Variants in ERC1 observed in about 807,000 individuals in gnomAD.
ERC1 encodes the protein ELKS/RAB6-interacting/CAST family member 1.
Under a neutral mutation model 132.0 loss-of-function variants are expected in ERC1, and 56 were observed. That is an observed-to-expected ratio of 0.42 (90% confidence interval 0.34 to 0.53). The LOEUF (loss-of-function observed/expected upper bound fraction) is 0.53. Among genes scored for constraint, ERC1 ranks in the 20% least tolerant of loss-of-function variants. The pLI is 0.03. For missense variants in ERC1, 1,202 were observed against 1,349.9 expected (o/e 0.89, Z 1.72); for synonymous variants, 478 against 476.1 (o/e 1.00, Z -0.05).
At chr12:1,389,052 C>T (rs577452458) in intron 16 of ERC1, among the ~76,000 whole-genome samples, 15 of 152,286 alleles carry the variant, frequency 9.8e-5, no homozygotes, top group African/African-American at 2.9e-4. Flanking sequence ...TGGTGGTTCC[C>T]GTGCTGTTTC....
chr12:1,131,238 G>A (rs573061018), intron 7 of ERC1, among the ~76,000 whole-genome samples: 1 of 152,224 alleles, frequency 6.6e-6, no homozygotes, highest in East Asian at 1.9e-4. Context: ...TCCAGAGGAG[G>A]TTCCATGCAG....
Position 1,189,878 on chromosome 12 carries a change from A to C in ERC1, c.2177A>C (p.Glu726Ala), listed in dbSNP as rs753542946. Residue 726 changes from glutamate to alanine, a missense_variant, in exon 12 of 19, where the codon GAA (glutamate) becomes GCA (alanine). By Grantham distance (107) the Glu-to-Ala change is moderately radical (BLOSUM62 -1). Transcript: ENST00000360905. ...QLKKAHEAAL[E>A]ARASPEMSDR... ...TTGTAGGCACATGAGGCAGCATTGG[A>C]AGCCAGAGCCAGTCCAGAGATGAGT... is the stretch of plus-strand genomic sequence containing the variant. 3.7e-6 allele frequency: 6 copies of C among 1,607,634 alleles called. No individual in the cohort carries two copies. The African/African-American group carries it at 8.0e-5, about 22-fold the overall frequency.
intron 1 of ERC1, among the ~76,000 whole-genome samples, chr12:1,024,503 G>A (rs924454837): frequency 5.9e-5 from 9 of 152,096 alleles, no homozygotes; most frequent in Non-Finnish European, 1.5e-5. Flanking sequence ...TAACCTGTTT[G>A]ACCAGAATAG....
intron 2 of ERC1, among the ~76,000 whole-genome samples, chr12:1,077,142 ACT>A (rs1362592523): frequency 6.6e-6 from 1 of 151,896 alleles, no homozygotes; most frequent in African/African-American, 2.4e-5. Flanking sequence ...GTTTTCTCTG[ACT>A]CTGATCTTCT....
intron 12 of ERC1, among the ~76,000 whole-genome samples, chr12:1,208,347 C>CT (rs1442017842): frequency 8.3e-6 from 1 of 120,540 alleles, no homozygotes; most frequent in Non-Finnish European, 1.7e-5. Context: ...ACATTATCAG[C>CT]TTTTTTTCAT....
At chr12:1,377,866 G>T (rs965065059) in intron 16 of ERC1, among the ~76,000 whole-genome samples, 1 of 152,166 alleles carries the variant, frequency 6.6e-6, no homozygotes, top group Admixed American at 6.5e-5. Context: ...GTACAAAGGT[G>T]AATACCTTTT....
intron 15 of ERC1, among the ~76,000 whole-genome samples, chr12:1,329,856 G>C (rs2082736271): frequency 6.6e-6 from 1 of 152,180 alleles, no homozygotes; most frequent in South Asian, 2.1e-4. Context: ...AAAGGGAGGA[G>C]TTAAAGATGA....
At position 1,359,298 on chromosome 12, in the gene ERC1, A is replaced by G. The variant is rs1395345217; in HGVS notation, c.2781-12535A>G. On this transcript the variant is annotated intron_variant, in intron 15 of 18. Coordinates refer to ENST00000360905, the MANE Select transcript of ERC1 (RefSeq NM_178040.4). Reference sequence around the variant, plus strand: ...AGACATGAGGTAGAATCCAGGAGTCACTTCTACACTCAACAGAAATAGAGA... The same window carrying G: ...AGACATGAGGTAGAATCCAGGAGTCGCTTCTACACTCAACAGAAATAGAGA... Among the ~76,000 whole-genome samples the G allele has an allele frequency of 3.3e-5, 5 of 152,206 alleles. No individual in the cohort carries two copies. The East Asian group carries it at 9.6e-4, about 29-fold the overall frequency.
chr12:1,092,882 A>C (rs1565946406), intron 3 of ERC1, among the ~76,000 whole-genome samples: 1 of 152,146 alleles, frequency 6.6e-6, no homozygotes, highest in Non-Finnish European at 1.5e-5. Flanking sequence ...AATTGCTTCA[A>C]CCCAGGAGGC....
chr12:1,181,812 A>G (rs1374677407), intron 9 of ERC1, 113 bp from the exon 10 acceptor site: 1 of 1,202,720 alleles, frequency 8.3e-7, no homozygotes, highest in Non-Finnish European at 1.1e-6. Flanking sequence ...GATTCTTTAA[A>G]AACTTACCAT....
At chr12:1,252,704 A>T (rs2076543684) in intron 13 of ERC1, among the ~76,000 whole-genome samples, 1 of 152,182 alleles carries the variant, frequency 6.6e-6, no homozygotes, top group Non-Finnish European at 1.5e-5. Flanking sequence ...AAGGAGAAGG[A>T]GGGAGAGAAT....
intron 1 of ERC1, among the ~76,000 whole-genome samples, chr12:1,006,606 A>G (rs1345323617): frequency 6.6e-6 from 1 of 151,650 alleles, no homozygotes; most frequent in Non-Finnish European, 1.5e-5. Flanking sequence ...GTGTTGCCCA[A>G]GTTGGTCTCA....
At chr12:1,215,341 C>T (rs981555200) in intron 12 of ERC1, among the ~76,000 whole-genome samples, 4 of 152,196 alleles carry the variant, frequency 2.6e-5, no homozygotes, top group African/African-American at 9.6e-5. Flanking sequence ...ATTTCTGAGA[C>T]AGTTGGATCA....
chr12:1,387,109 G>A (rs2089461813), intron 16 of ERC1: 1 of 113,244 alleles, frequency 8.8e-6, no homozygotes, highest in Admixed American at 7.7e-5. Context: ...TCCCACCGTT[G>A]TATTTTGGAA....
At chr12:1,093,188 TA>T (rs1943471444) in intron 3 of ERC1, among the ~76,000 whole-genome samples, 1 of 152,164 alleles carries the variant, frequency 6.6e-6, no homozygotes, top group Non-Finnish European at 1.5e-5. Flanking sequence ...AGCTGGCAGG[TA>T]AATAATTCTC....
Position 1,104,885 on chromosome 12 carries a change from C to G in ERC1, c.1161+61C>G, listed in dbSNP as rs999678778. 4.5e-6 allele frequency: 5 copies of G among 1,121,510 alleles called. No individual in the cohort carries two copies. In the African/African-American group the frequency reaches 7.6e-5, roughly 17 times the overall value. The allele number at this position is 1,121,510 out of a possible 1,614,324, so 69.5% of individuals were successfully genotyped here. A position where few individuals can be genotyped will look rare whatever the true frequency, so the allele number is the denominator to read the frequency against. ...CCTTATACTTTTAAGTGATCAAAAA[C>G]TTCCATGTGTGAGTGTTAGGAAATG... On this transcript the variant is annotated intron_variant, in intron 4 of 18. Coordinates refer to ENST00000360905, the MANE Select transcript of ERC1 (RefSeq NM_178040.4).
rs145550949 is a variant in ERC1, at chr12:1,227,992, A to G, written c.2352-8777A>G. On this transcript the variant is annotated intron_variant, in intron 12 of 18. Transcript: ENST00000360905. ...GCATGCATTTATTTCTGGGTTTTCT[A>G]TTCTGTTCCATTGGTATAGATGTCT... Among the ~76,000 whole-genome samples, 1,410 of 152,230 alleles carry G rather than the reference A, an allele frequency of 9.3e-3. 27 individuals carry two copies. The highest frequency in any genetic ancestry group is 0.031 in the African/African-American group (1,304 of 41,532).
intron 2 of ERC1, among the ~76,000 whole-genome samples, chr12:1,051,296 C>T (rs1971919191): frequency 6.6e-6 from 1 of 151,982 alleles, no homozygotes; most frequent in South Asian, 2.1e-4. Flanking sequence ...AATGTATATT[C>T]TGGGTTGAGG....
chr12:1,049,499 A>G (rs766369216), intron 2 of ERC1, among the ~76,000 whole-genome samples: 3 of 152,140 alleles, frequency 2.0e-5, no homozygotes, highest in Non-Finnish European at 4.4e-5. Flanking sequence ...GTGGAGATTT[A>G]AAAAATCTCC....
Sources: gnomAD v4.1 joint callset for allele counts (sites outside exome capture counted in the v4.1 genomes callset) on GRCh38, gnomAD v4.1.1 for gene constraint, MANE v1.5 for transcripts, NCBI Gene and HGNC (gene_info 2026-07-23, HGNC 2026-07-21) for gene names.